GRIK3: variants seen among roughly 807,000 people sequenced by gnomAD.
GRIK3 encodes glutamate ionotropic receptor kainate type subunit 3.
Under a neutral mutation model 102.5 loss-of-function variants are expected in GRIK3, and 29 were observed. That is an observed-to-expected ratio of 0.28 (90% CI 0.21 to 0.39). The LOEUF is 0.39. Ranked by LOEUF, GRIK3 falls within the 10% of genes least tolerant of loss-of-function variation. GRIK3 has a pLI of 1.00. For synonymous variants in GRIK3, 511 were observed against 504.9 expected (o/e 1.01, Z -0.16); for missense variants, 908 against 1,252.4 (o/e 0.73, Z 4.15).
chr1:36,848,047 G>A (rs1640537596), intron 9 of GRIK3, among the ~76,000 whole-genome samples: 1 of 152,240 alleles, frequency 6.6e-6, no homozygotes, highest in African/African-American at 2.4e-5. Context: ...TTTGCAAGAA[G>A]CTGCAAGTAT....
rs750901034 is a variant in GRIK3 at position 36,859,825 on chromosome 1, C to G, written c.960+19G>C. 6.2e-7 allele frequency: 1 copy of G among 1,604,776 alleles called. No individual in the cohort carries two copies. The highest frequency in any genetic ancestry group is 8.5e-7 in the Non-Finnish European group (1 of 1,172,150). Reference sequence around the variant, plus strand: ...GCAGGTGGGAAGCCCCTGGAATTCACCTCACCCAGCCGCCTTACCATCATC... The same window carrying G: ...GCAGGTGGGAAGCCCCTGGAATTCAGCTCACCCAGCCGCCTTACCATCATC... On this transcript the variant is annotated intron_variant, in intron 6 of 15. Coordinates refer to ENST00000373091, the MANE Select transcript of GRIK3 (RefSeq NM_000831.4).
chr1:36,816,946 C>T (rs1642637991), intron 13 of GRIK3, 114 bp downstream of exon 13: 6 of 717,958 alleles, frequency 8.4e-6, no homozygotes, highest in South Asian at 5.3e-5. Context: ...GGGCTTCTGA[C>T]CCATTGGCCA....
intron 1 of GRIK3, among the ~76,000 whole-genome samples, chr1:36,972,599 C>T (rs997838930): frequency 6.6e-5 from 10 of 152,128 alleles, no homozygotes; most frequent in Admixed American, 2.6e-4. Flanking sequence ...AGCCAGGTTA[C>T]GTTCAGGGAG....
chr1:36,813,642 C>T (rs769749057), intron 13 of GRIK3, among the ~76,000 whole-genome samples: 1 of 152,024 alleles, frequency 6.6e-6, no homozygotes, highest in Non-Finnish European at 1.5e-5. Flanking sequence ...CTGTGCTAAC[C>T]AGAAGGCTAT....
chr1:36,819,383 C>T lies in GRIK3; in HGVS notation c.1873+353G>A, dbSNP rs935674308. On this transcript the variant is annotated intron_variant, in intron 12 of 15. Transcript: ENST00000373091. This position sits in a 1 kb window ranked among gnomAD's most constrained non-coding sequence, Gnocchi z 4.1. Reference sequence around the variant, plus strand: ...CCTTCCATCCACAGCCCAACTTGCTCAGCTGGATTGTGTGGTGATGAGGCC... The same window carrying T: ...CCTTCCATCCACAGCCCAACTTGCTTAGCTGGATTGTGTGGTGATGAGGCC... Among the ~76,000 whole-genome samples, 2 of 152,228 alleles carry T rather than the reference C, an allele frequency of 1.3e-5. No homozygotes were observed. The highest frequency in any genetic ancestry group is 2.4e-5 in the African/African-American group (1 of 41,468).
intron 1 of GRIK3, among the ~76,000 whole-genome samples, chr1:36,989,159 C>T (rs777699005): frequency 1.3e-5 from 2 of 152,216 alleles, no homozygotes; most frequent in Non-Finnish European, 2.9e-5. Context: ...TACACATGCT[C>T]CATGGTCCCG....
intron 1 of GRIK3, among the ~76,000 whole-genome samples, chr1:37,020,892 G>T (rs975469441): frequency 3.9e-5 from 6 of 152,160 alleles, no homozygotes; most frequent in African/African-American, 1.4e-4. Flanking sequence ...ACAGAGGTTG[G>T]GGTGTCTCTC....
chr1:36,943,083 C>G (rs1255065459), intron 1 of GRIK3, among the ~76,000 whole-genome samples: 1 of 152,178 alleles, frequency 6.6e-6, no homozygotes, highest in African/African-American at 2.4e-5. Flanking sequence ...ACTATGGTGT[C>G]CCTTTTTAGA....
At chr1:36,993,369 T>G (rs929284440) in intron 1 of GRIK3, among the ~76,000 whole-genome samples, 3 of 152,138 alleles carry the variant, frequency 2.0e-5, no homozygotes, top group African/African-American at 7.2e-5. Context: ...GCTCAAGTGA[T>G]TCTCCGCCTC....
chr1:37,034,057 C>T lies in GRIK3; in HGVS notation c.52G>A (p.Gly18Arg). The T allele has an allele frequency of 6.2e-7, 1 of 1,605,776 alleles. No individual in the cohort carries two copies. The highest frequency in any genetic ancestry group is 8.5e-7 in the Non-Finnish European group (1 of 1,176,964). ...ATCCAGAAGGCGCACACGAGGAGCC[C>T]GGCCCAGTATTCCCAAACCAGACTC... is the stretch of plus-strand genomic sequence containing the variant. The part of the protein sequence containing the change: ...LRSLVWEYWA[G>R]LLVCAFWIPD... The change falls in exon 1 of 16, where the codon GGG becomes AGG. Residue 18 changes from glycine to arginine, a missense_variant. Gly to Arg is a moderately radical substitution (Grantham distance 125, BLOSUM62 -2). Coordinates refer to ENST00000373091, the MANE Select transcript of GRIK3 (RefSeq NM_000831.4).
At chr1:36,868,894 A>G (rs941147568) in intron 5 of GRIK3, among the ~76,000 whole-genome samples, 2 of 152,258 alleles carry the variant, frequency 1.3e-5, no homozygotes, top group Non-Finnish European at 2.9e-5. Flanking sequence ...GGTGCTGGAT[A>G]AATGAATGAA....
intron 3 of GRIK3, among the ~76,000 whole-genome samples, chr1:36,875,208 T>C (rs1261096730): frequency 6.6e-6 from 1 of 152,246 alleles, no homozygotes; most frequent in Non-Finnish European, 1.5e-5. Flanking sequence ...AGAGACCCAA[T>C]AACATTTTGA....
chr1:36,986,457 T>TCAGC (rs1183404153), intron 1 of GRIK3, among the ~76,000 whole-genome samples: 18 of 143,192 alleles, frequency 1.3e-4, no homozygotes, highest in South Asian at 4.3e-4. Context: ...CATCCATCCA[T>TCAGC]CCATCAGCCC....
At chr1:36,823,150 A>T (rs1261932862) in intron 11 of GRIK3, among the ~76,000 whole-genome samples, 1 of 151,890 alleles carries the variant, frequency 6.6e-6, no homozygotes, top group Non-Finnish European at 1.5e-5. Context: ...CACCCTACAG[A>T]TATGTTGTGC....
At chr1:36,910,565 T>A (rs1241642502) in intron 1 of GRIK3, among the ~76,000 whole-genome samples, 1 of 144,432 alleles carries the variant, frequency 6.9e-6, no homozygotes, top group East Asian at 2.3e-4. Flanking sequence ...TCAGCAGCAG[T>A]GGTGGGGGGG....
rs868390505 is a variant in GRIK3 at position 37,030,553 on chromosome 1, C to G, written c.115+3441G>C. On this transcript the variant is annotated intron_variant, in intron 1 of 15. Coordinates refer to ENST00000373091, the MANE Select transcript of GRIK3 (RefSeq NM_000831.4). ...TTTCCCCACCCCCCACCCCCTCCCC[C>G]CCCCCAACACCTGCTTTATGTCTCT... Among the ~76,000 whole-genome samples the G allele has an allele frequency of 1.7e-3, 234 of 136,424 alleles. 4 individuals carry two copies. In the Middle Eastern group the frequency reaches 0.018, roughly 11 times the overall value. The allele number at this position is 136,424 out of a possible 152,430, so 89.5% of individuals were successfully genotyped here.
At chr1:36,947,329 G>C (rs1240550285) in intron 1 of GRIK3, among the ~76,000 whole-genome samples, 1 of 151,878 alleles carries the variant, frequency 6.6e-6, no homozygotes, top group Non-Finnish European at 1.5e-5. Flanking sequence ...CTGCACCCAG[G>C]CCTGGCATCT....
chr1:36,979,136 C>T (rs1642223115), intron 1 of GRIK3, among the ~76,000 whole-genome samples: 1 of 152,236 alleles, frequency 6.6e-6, no homozygotes, highest in Non-Finnish European at 1.5e-5. Flanking sequence ...AACTGAATTG[C>T]CCCTCTAGGT....
intron 1 of GRIK3, among the ~76,000 whole-genome samples, chr1:36,973,367 G>A (rs1642163544): frequency 6.6e-6 from 1 of 151,340 alleles, no homozygotes; most frequent in Non-Finnish European, 1.5e-5. Flanking sequence ...CTCTTTGCCT[G>A]GCTACCTACT....
Sources: gnomAD v4.1 joint callset for allele counts (sites outside exome capture counted in the v4.1 genomes callset) on GRCh38, gnomAD v4.1.1 for gene constraint, Gnocchi (gnomAD v3.1) non-coding constraint, MANE v1.5 for transcripts, NCBI Gene and HGNC (gene_info 2026-07-23, HGNC 2026-07-21) for gene names.